RMI1: variants seen among roughly 807,000 people sequenced by gnomAD.
RMI1 encodes RecQ mediated genome instability 1.
Under a neutral mutation model 46.7 loss-of-function variants are expected in RMI1, and 36 were observed. The observed-to-expected ratio is 0.77, with a 90% CI of 0.59 to 1.02. RMI1 has a LOEUF of 1.02. Among genes scored for constraint, RMI1 ranks in the 50% least tolerant of loss-of-function variants. The pLI is 0.00. For synonymous variants in RMI1, 250 were observed against 252.9 expected, an observed-to-expected ratio of 0.99 and a Z score of 0.11; for missense variants, 676 against 713.7, an observed-to-expected ratio of 0.95 and a Z score of 0.60.
chr9:83,999,945 A>T (rs1053959598), intron 2 of RMI1, 148 bp downstream of exon 2: 7 of 152,230 alleles, frequency 4.6e-5, no homozygotes, highest in Non-Finnish European at 8.8e-5. Flanking sequence ...TGAGAAAATC[A>T]GAAGTTAAAT....
chr9:83,984,127 TA>T (rs1276641471), intron 1 of RMI1, among the ~76,000 whole-genome samples: 1 of 152,208 alleles, frequency 6.6e-6, no homozygotes, highest in Non-Finnish European at 1.5e-5. Flanking sequence ...TGTGATAATT[TA>T]ATATATTCAC....
At chr9:83,993,364 G>C (rs1957601781) in intron 1 of RMI1, among the ~76,000 whole-genome samples, 1 of 152,194 alleles carries the variant, frequency 6.6e-6, no homozygotes, top group African/African-American at 2.4e-5. Flanking sequence ...TCCATGGTAT[G>C]TATATGTTAT....
Position 84,002,866 on chromosome 9 carries a change from TAAAC to T in RMI1, c.*3_*6del. The T allele has an allele frequency of 2.8e-6, 4 of 1,434,092 alleles. No homozygotes were observed. In the South Asian group the frequency reaches 5.2e-5, roughly 19 times the overall value. 88.8% of individuals were successfully genotyped at this position (1,434,092 alleles called of 1,614,324 possible). A position where few individuals can be genotyped will look rare whatever the true frequency, so the allele number is the denominator to read the frequency against. ...CTAAAGAAGCGGTTAAATAAATAAT[TAAAC>T]TAAAATAGTATTAGGAACAATTAAA... On this transcript the variant is annotated 3_prime_UTR_variant, in exon 3 of 3. Transcript: ENST00000445877.
Position 84,002,119 on chromosome 9 carries a change from T to C in RMI1, c.1133T>C (p.Val378Ala), listed in dbSNP as rs1439796531. Residue 378 changes from valine (V) to alanine (A), a missense_variant, in exon 3 of 3, where the codon GTA becomes GCA. By Grantham distance (64) the Val-to-Ala change is moderately conservative (BLOSUM62 0). Transcript: ENST00000445877. ...AACAATAATTGGAGTGAAAAAAATG[T>C]ATCTGAACAAATGACTAATGAAGAC... The part of the protein sequence containing the change: ...NGNNNWSEKN[V>A]SEQMTNEDKS... 2 of 1,613,756 alleles carry C rather than the reference T, an allele frequency of 1.2e-6. No homozygotes were observed. Among genetic ancestry groups the C allele is most frequent in the Non-Finnish European group, 1.7e-6 (2 of 1,179,924 alleles).
intron 1 of RMI1, among the ~76,000 whole-genome samples, chr9:83,986,150 G>T (rs1179403705): frequency 6.6e-6 from 1 of 152,220 alleles, no homozygotes; most frequent in African/African-American, 2.4e-5. Context: ...TGCTATGTTA[G>T]TAGGGTTATA....
chr9:83,993,682 G>A (rs1957607195), intron 1 of RMI1, among the ~76,000 whole-genome samples: 1 of 152,094 alleles, frequency 6.6e-6, no homozygotes, highest in African/African-American at 2.4e-5. Flanking sequence ...CTTCTAACAG[G>A]TATGAGGATG....
chr9:83,986,099 A>T (rs1957486505), intron 1 of RMI1, among the ~76,000 whole-genome samples: 1 of 152,254 alleles, frequency 6.6e-6, no homozygotes. Flanking sequence ...GCCTTAGAAT[A>T]TCAGTTTGTA....
chr9:84,000,566 C>G (rs1957722752), intron 2 of RMI1, among the ~76,000 whole-genome samples: 1 of 152,152 alleles, frequency 6.6e-6, no homozygotes, highest in South Asian at 2.1e-4. Context: ...GCTAATGTAA[C>G]TACTGTTTAC....
intron 1 of RMI1, among the ~76,000 whole-genome samples, chr9:83,985,517 T>A (rs1224499534): frequency 8.5e-5 from 13 of 152,234 alleles, no homozygotes; most frequent in Admixed American, 8.5e-4. Flanking sequence ...CAATGGAATT[T>A]TTTTCTTTGC....
intron 2 of RMI1, among the ~76,000 whole-genome samples, chr9:84,000,037 G>A (rs747906934): frequency 8.5e-5 from 13 of 152,136 alleles, no homozygotes; most frequent in Non-Finnish European, 1.3e-4. Context: ...CTCAGAGTCT[G>A]CTGTTATTTG....
chr9:83,998,464 TTACA>T (rs1397514212), intron 1 of RMI1, among the ~76,000 whole-genome samples: 2 of 152,168 alleles, frequency 1.3e-5, no homozygotes, highest in African/African-American at 2.4e-5. Flanking sequence ...TAGCAAGCAC[TTACA>T]TACATTTACT....
intron 1 of RMI1, among the ~76,000 whole-genome samples, chr9:83,990,523 A>AC (rs1957555438): frequency 6.6e-6 from 1 of 151,866 alleles, no homozygotes; most frequent in Non-Finnish European, 1.5e-5. Context: ...AAAAAAAAAA[A>AC]AACAATTGGA....
At chr9:83,981,339 C>T (rs1464876531) in intron 1 of RMI1, among the ~76,000 whole-genome samples, 2 of 152,236 alleles carry the variant, frequency 1.3e-5, no homozygotes, top group Non-Finnish European at 2.9e-5. Flanking sequence ...GCCCTTGTCT[C>T]CTAAAATGAA....
chr9:83,995,160 C>T (rs1389516439), intron 1 of RMI1, among the ~76,000 whole-genome samples: 5 of 151,818 alleles, frequency 3.3e-5, no homozygotes, highest in Non-Finnish European at 1.5e-5. Context: ...CAACCATGCC[C>T]AGCTGATTTT....
At chr9:84,000,069 A>G (rs546574275) in intron 2 of RMI1, among the ~76,000 whole-genome samples, 3 of 152,328 alleles carry the variant, frequency 2.0e-5, no homozygotes, top group Admixed American at 2.0e-4. Flanking sequence ...TCTTTAGACC[A>G]CATATTCAAG....
chr9:83,995,688 A>G (rs1957641263), intron 1 of RMI1, among the ~76,000 whole-genome samples: 1 of 152,230 alleles, frequency 6.6e-6, no homozygotes, highest in Non-Finnish European at 1.5e-5. Context: ...TCGGCCTCCC[A>G]GAGTGCTGGG....
At chr9:83,991,774 T>A (rs185738566) in intron 1 of RMI1, among the ~76,000 whole-genome samples, 1 of 152,234 alleles carries the variant, frequency 6.6e-6, no homozygotes, top group African/African-American at 2.4e-5. Flanking sequence ...TCTACAACTT[T>A]GTGGAAAATC....
At position 84,001,169 on chromosome 9, in the gene RMI1, G is replaced by A; in HGVS notation, c.183G>A (p.Leu61=). The change falls in exon 3 of 3, where the codon CTG becomes CTA. Residue 61 remains leucine, a synonymous_variant. Coordinates refer to ENST00000445877, the MANE Select transcript of RMI1 (RefSeq NM_001358291.2). ...TTGAGCAGTGGCTCCTTACTGATCTGAGGGATTTGGAGCATCCTCTTTTAC... is the reference window on the plus strand; with the variant it reads ...TTGAGCAGTGGCTCCTTACTGATCTAAGGGATTTGGAGCATCCTCTTTTAC... The part of the protein sequence containing the change: ...QVFEQWLLTD[L]RDLEHPLLPD... The A allele has an allele frequency of 6.2e-7, 1 of 1,614,122 alleles. No individual in the cohort carries two copies.
In RMI1 at chr9:84,001,383, C is replaced by T. The variant is rs1487171427; in HGVS notation, c.397C>T (p.Arg133Ter). ...AAAACCTTGGGAAGCAAAGCCTTCACGAATGTTGATGCTGCAGCTAACTGA... is the reference window on the plus strand; with the variant it reads ...AAAACCTTGGGAAGCAAAGCCTTCATGAATGTTGATGCTGCAGCTAACTGA... ...TPKPWEAKPS[R>*]MLMLQLTDGI... The change falls in exon 3 of 3, where the codon CGA becomes TGA. Residue 133 changes from arginine (R) to a stop codon, truncating the protein, a stop_gained. Coordinates refer to ENST00000445877, the MANE Select transcript of RMI1 (RefSeq NM_001358291.2). LOFTEE classifies it high-confidence loss of function. 17 of 1,613,966 alleles carry T rather than the reference C, an allele frequency of 1.1e-5. No individual in the cohort carries two copies. The highest frequency in any genetic ancestry group is 1.4e-5 in the Non-Finnish European group (16 of 1,180,002).
Sources: allele counts gnomAD v4.1 joint callset (sites outside exome capture counted in the v4.1 genomes callset), GRCh38; gene constraint gnomAD v4.1.1; transcripts MANE v1.5; gene names NCBI Gene and HGNC (gene_info 2026-07-23, HGNC 2026-07-21).